Variants in ZNRF1 observed in about 807,000 individuals in gnomAD.
The protein encoded by ZNRF1 is E3 ubiquitin-protein ligase ZNRF1.
A neutral mutation model predicts 18.4 loss-of-function variants in ZNRF1; 3 were observed. The ratio of observed to expected loss-of-function variants is 0.16; its 90% CI spans 0.07 to 0.42. ZNRF1 has a LOEUF of 0.42. Among genes scored for constraint, ZNRF1 ranks in the 10% least tolerant of loss-of-function variants. ZNRF1 has a pLI of 0.99. For missense variants in ZNRF1, 310 were observed against 329.8 expected, an observed-to-expected ratio of 0.94 and a Z score of 0.47; for synonymous variants, 157 against 144.2, an observed-to-expected ratio of 1.09 and a Z score of -0.64.
At chr16:75,054,893 A>G (rs1453764817) in intron 1 of ZNRF1, among the ~76,000 whole-genome samples, 5 of 152,194 alleles carry the variant, frequency 3.3e-5, no homozygotes, top group Non-Finnish European at 2.9e-5. Context: ...TTACAGGTCA[A>G]GTCCAAACAG....
In ZNRF1 at chr16:75,108,878, G is replaced by C. The variant is rs1358107205; in HGVS notation, c.*1178G>C. 1 of 273,446 alleles carries C rather than the reference G, an allele frequency of 3.7e-6. No individual in the cohort carries two copies. Among genetic ancestry groups the C allele is most frequent in the African/African-American group, 2.2e-5 (1 of 45,896 alleles). The allele number at this position is 273,446 out of a possible 1,614,324, so 16.9% of individuals were successfully genotyped here. Reference sequence around the variant, plus strand: ...TAGTCAGGCCTGGGTGGAGGGAGTGGCAAGTCAGGCGTGCCTCCTACAAGC... The same window carrying C: ...TAGTCAGGCCTGGGTGGAGGGAGTGCCAAGTCAGGCGTGCCTCCTACAAGC... On this transcript the variant is annotated 3_prime_UTR_variant, in exon 5 of 5. Transcript: ENST00000335325.
At chr16:75,004,766 C>T (rs922255733) in intron 1 of ZNRF1, among the ~76,000 whole-genome samples, 6 of 152,100 alleles carry the variant, frequency 3.9e-5, no homozygotes, top group Non-Finnish European at 5.9e-5. Context: ...GTGCGCACCA[C>T]TACACCTGGC....
chr16:75,000,309 G>A, intron 1 of ZNRF1: 1 of 756,348 alleles, frequency 1.3e-6, no homozygotes, highest in Non-Finnish European at 2.3e-6. Context: ...GACTCACGGC[G>A]TGTGTTCACT....
chr16:75,015,121 A>G (rs1445064246), intron 1 of ZNRF1, among the ~76,000 whole-genome samples: 1 of 151,772 alleles, frequency 6.6e-6, no homozygotes, highest in African/African-American at 2.4e-5. Flanking sequence ...TCTCTTTGTG[A>G]TTTCTTATGG....
intron 1 of ZNRF1, among the ~76,000 whole-genome samples, chr16:75,040,042 C>CTTTTTTTTTTTTTTTT (rs57122648): frequency 1.0e-4 from 8 of 78,856 alleles, no homozygotes; most frequent in African/African-American, 3.3e-4. Context: ...TCTTTTCTTT[C>CTTTTTTTTTTTTTTTT]TTTTTTTTTT....
chr16:75,028,126 G>A (rs1428186639), intron 1 of ZNRF1, among the ~76,000 whole-genome samples: 1 of 152,140 alleles, frequency 6.6e-6, no homozygotes, highest in Non-Finnish European at 1.5e-5. Flanking sequence ...CATCCAGAGT[G>A]CTGCTCCAAC....
chr16:74,999,132 A>ACGCGC lies in ZNRF1; in HGVS notation c.-539_-538insGCGCC, dbSNP rs1192013255. On this transcript the variant is annotated 5_prime_UTR_variant, in exon 1 of 5. Transcript: ENST00000335325. ...TGAAGCGAGAGCGCGACGCGACGCG[A>ACGCGC]CCGCGGCTTCCCGAGCTGCGCCTGG... The ACGCGC allele has an allele frequency of 6.8e-6, 1 of 147,136 alleles. No individual in the cohort carries two copies. Among genetic ancestry groups the ACGCGC allele is most frequent in the Non-Finnish European group, 1.5e-5 (1 of 66,150 alleles). The allele number at this position is 147,136 out of a possible 1,614,324, so 9.1% of individuals were successfully genotyped here.
At chr16:75,102,053 G>C (rs1425151960) in intron 2 of ZNRF1, among the ~76,000 whole-genome samples, 1 of 152,200 alleles carries the variant, frequency 6.6e-6, no homozygotes, top group Non-Finnish European at 1.5e-5. Context: ...GAAGCTGAGA[G>C]TGACTTCTCT....
intron 1 of ZNRF1, among the ~76,000 whole-genome samples, chr16:75,088,525 T>G (rs988135574): frequency 1.3e-5 from 2 of 152,210 alleles, no homozygotes; most frequent in Admixed American, 6.5e-5. Flanking sequence ...TGGGACAGTG[T>G]AGAAGGTTCA....
chr16:75,105,234 A>C (rs892332591), intron 3 of ZNRF1: 5 of 267,854 alleles, frequency 1.9e-5, no homozygotes, highest in Non-Finnish European at 3.7e-5. Flanking sequence ...TTCTTCCTCT[A>C]CGGGTCCCTC....
intron 1 of ZNRF1, among the ~76,000 whole-genome samples, chr16:75,088,831 A>G (rs542900955): frequency 6.6e-5 from 10 of 152,302 alleles, no homozygotes; most frequent in Non-Finnish European, 1.3e-4. Context: ...AATGCAAACT[A>G]TTATTTATTA....
At chr16:75,043,237 G>T (rs1161597596) in intron 1 of ZNRF1, among the ~76,000 whole-genome samples, 1 of 152,154 alleles carries the variant, frequency 6.6e-6, no homozygotes, top group African/African-American at 2.4e-5. Flanking sequence ...CCAGCTTCAT[G>T]GTTGATTGCA....
chr16:75,031,322 G>A (rs974117513), intron 1 of ZNRF1, among the ~76,000 whole-genome samples: 7 of 151,804 alleles, frequency 4.6e-5, no homozygotes, highest in African/African-American at 1.2e-4. Context: ...AGTAGAGAGA[G>A]GGTTTCACCA....
chr16:75,004,115 C>T (rs567097290), intron 1 of ZNRF1, among the ~76,000 whole-genome samples: 77 of 152,162 alleles, frequency 5.1e-4, no homozygotes, highest in Non-Finnish European at 9.1e-4. Flanking sequence ...CATGAGCCAC[C>T]GTGCCAGGCC....
At chr16:75,078,626 A>G (rs1027523085) in intron 1 of ZNRF1, among the ~76,000 whole-genome samples, 1 of 152,110 alleles carries the variant, frequency 6.6e-6, no homozygotes, top group South Asian at 2.1e-4. Flanking sequence ...GTATTTGTCA[A>G]TATTTATGTT....
At chr16:75,010,280 G>T (rs990914978) in intron 1 of ZNRF1, among the ~76,000 whole-genome samples, 1 of 152,130 alleles carries the variant, frequency 6.6e-6, no homozygotes, top group African/African-American at 2.4e-5. Context: ...ACCACACCCG[G>T]CCTGGGTTGC....
chr16:75,016,629 G>A lies in ZNRF1; in HGVS notation c.424+16534G>A, dbSNP rs370705861. On this transcript the variant is annotated intron_variant, in intron 1 of 4. Transcript: ENST00000335325. ...CGACTGACTGCAACGTCTGCCTCCC[G>A]GGTTCAAGCAATTCTCATGCCATAG... is the stretch of plus-strand genomic sequence containing the variant. Among the ~76,000 whole-genome samples the A allele has an allele frequency of 3.9e-5, 6 of 151,978 alleles. No homozygotes were observed. The East Asian group carries it at 5.8e-4, about 15-fold the overall frequency.
At chr16:75,029,239 C>T (rs566481436) in intron 1 of ZNRF1, among the ~76,000 whole-genome samples, 134 of 152,168 alleles carry the variant, frequency 8.8e-4, no homozygotes, top group African/African-American at 2.8e-3. Flanking sequence ...CTCCACCTTC[C>T]GGGTTCACGC....
intron 1 of ZNRF1, among the ~76,000 whole-genome samples, chr16:75,035,234 A>G (rs2035362499): frequency 6.6e-6 from 1 of 151,134 alleles, no homozygotes; most frequent in Non-Finnish European, 1.5e-5. Flanking sequence ...GGGTTTTGCC[A>G]TGTTGCCTGG....
Sources: gnomAD v4.1 joint callset for allele counts (sites outside exome capture counted in the v4.1 genomes callset) on GRCh38, gnomAD v4.1.1 for gene constraint, MANE v1.5 for transcripts, NCBI Gene and HGNC (gene_info 2026-07-23, HGNC 2026-07-21) for gene names.